The following PMP22 variants were observed in gnomAD, a reference collection of about 807,000 sequenced individuals.
The protein encoded by PMP22 is peripheral myelin protein 22, also known as Charcot-Marie-Tooth neuropathy 1A (greatly reduced nerve conduction velocity, hereditary motor sensory neuropathy Ia).
PMP22 carries 2 observed loss-of-function variants against 18.9 expected under a neutral mutation model. That is an observed-to-expected ratio of 0.11 (90% CI 0.04 to 0.33). PMP22 has a LOEUF of 0.33. Among genes scored for constraint, PMP22 ranks in the 10% least tolerant of loss-of-function variants. The pLI, the probability that PMP22 is intolerant of heterozygous loss-of-function variation, is 1.00. For synonymous variants in PMP22, 95 were observed against 89.2 expected (o/e 1.07, Z -0.37); for missense variants, 169 against 202.2 (o/e 0.84, Z 1.00).
intron 1 of PMP22, 28 bp downstream of exon 1, chr17:15,265,126 A>G (rs1567722587): frequency 6.6e-6 from 1 of 152,158 alleles, no homozygotes. Flanking sequence ...CACATCACCC[A>G]GAGGCACAGT....
intron 3 of PMP22, among the ~76,000 whole-genome samples, chr17:15,252,396 TTGCTGCTGCTGCTGCTGCTGC>T (rs111928632): frequency 2.0e-5 from 3 of 150,980 alleles, no homozygotes; most frequent in Admixed American, 6.6e-5. Context: ...GAGTTTGCTG[TTGCTGCTGCTGCTGCTGCTGC>T]TGCTGCTGCT....
chr17:15,230,904 C>T lies in PMP22; in HGVS notation c.*13G>A. ...ATGTACGCTCAGAGCCTCAGACAGA[C>T]CGTCTGGGCGCCTCATTCGCGTTTC... On this transcript the variant is annotated 3_prime_UTR_variant, in exon 5 of 5. Coordinates refer to ENST00000312280, the MANE Select transcript of PMP22 (RefSeq NM_000304.4). 1 of 1,613,598 alleles carries T rather than the reference C, an allele frequency of 6.2e-7. No individual in the cohort carries two copies. Among genetic ancestry groups the T allele is most frequent in the Non-Finnish European group, 8.5e-7 (1 of 1,179,912 alleles).
intron 4 of PMP22, among the ~76,000 whole-genome samples, chr17:15,236,131 T>C (rs1906789994): frequency 6.6e-6 from 1 of 151,330 alleles, no homozygotes; most frequent in South Asian, 2.1e-4. Flanking sequence ...AGCACTGAAC[T>C]AAAGGAAGGA....
rs1909307122 is a variant in PMP22 at position 15,261,157 on chromosome 17, G to A, written c.-34-396C>T. ...GAAGGTGAGAGGTCACGTTCTCCGA[G>A]ACCCCGGTTCAGATGGTGAATTCCC... On this transcript the variant is annotated intron_variant, in intron 1 of 4. Transcript: ENST00000312280. This position sits in a 1 kb window ranked among gnomAD's most constrained non-coding sequence, Gnocchi z 5.2. 1 of 158,176 alleles carries A rather than the reference G, an allele frequency of 6.3e-6. No individual in the cohort carries two copies. The highest frequency in any genetic ancestry group is 1.4e-5 in the Non-Finnish European group (1 of 72,988). 9.8% of individuals were successfully genotyped at this position (158,176 alleles called of 1,614,324 possible). A position where few individuals can be genotyped will look rare whatever the true frequency, so the allele number is the denominator to read the frequency against.
At chr17:15,239,672 G>C (rs1387125627) in intron 3 of PMP22, 61 bp from the exon 4 acceptor site, 1 of 1,572,230 alleles carries the variant, frequency 6.4e-7, no homozygotes, top group South Asian at 1.1e-5. Flanking sequence ...GCTCTGCCTC[G>C]AGGTGCAGGG....
rs1378361736 is a variant in PMP22 at position 15,230,723 on chromosome 17, T to C, written c.*194A>G. On this transcript the variant is annotated 3_prime_UTR_variant, in exon 5 of 5. Coordinates refer to ENST00000312280, the MANE Select transcript of PMP22 (RefSeq NM_000304.4). Reference sequence around the variant, plus strand: ...CTATGTACATATATGTAAAAAGTGTTATAAATAGGTTTTATAAACCGGAGA... The same window carrying C: ...CTATGTACATATATGTAAAAAGTGTCATAAATAGGTTTTATAAACCGGAGA... 3.3e-6 allele frequency: 2 copies of C among 611,530 alleles called. No individual in the cohort carries two copies. The highest frequency in any genetic ancestry group is 3.7e-5 in the African/African-American group (2 of 54,084). 37.9% of individuals were successfully genotyped at this position (611,530 alleles called of 1,614,324 possible).
intron 3 of PMP22, 41 bp downstream of exon 3, chr17:15,259,053 G>T (rs1909070862): frequency 1.4e-6 from 2 of 1,381,036 alleles, no homozygotes; most frequent in Non-Finnish European, 2.1e-6. Flanking sequence ...CGTGTTACAG[G>T]CGTCTGAGGA....
chr17:15,260,766 G>T lies in PMP22; in HGVS notation c.-34-5C>A. ...TCTGCTCAGCGGAGTTTCTGCCTGC[G>T]AGGAGAGCGCTGGGCGTGAGGCCGA... On this transcript the variant is annotated splice_region_variant and splice_polypyrimidine_tract_variant and intron_variant, in intron 1 of 4. Transcript: ENST00000312280. 1.3e-6 allele frequency: 2 copies of T among 1,521,332 alleles called. No individual in the cohort carries two copies. Among genetic ancestry groups the T allele is most frequent in the Non-Finnish European group, 1.8e-6 (2 of 1,119,688 alleles). 94.2% of individuals were successfully genotyped at this position (1,521,332 alleles called of 1,614,324 possible).
chr17:15,255,687 T>A (rs1908759402), intron 3 of PMP22, among the ~76,000 whole-genome samples: 1 of 152,134 alleles, frequency 6.6e-6, no homozygotes, highest in Admixed American at 6.6e-5. Flanking sequence ...GTCTACCCCA[T>A]CCCCTGCCTT....
rs991067268 is a variant in PMP22 at position 15,261,870 on chromosome 17, C to T, written c.-34-1109G>A. The T allele has an allele frequency of 1.3e-5, 2 of 152,198 alleles. No homozygotes were observed. The highest frequency in any genetic ancestry group is 2.4e-5 in the African/African-American group (1 of 41,446). The allele number at this position is 152,198 out of a possible 1,614,324, so 9.4% of individuals were successfully genotyped here. A position where few individuals can be genotyped will look rare whatever the true frequency, so the allele number is the denominator to read the frequency against. On this transcript the variant is annotated intron_variant, in intron 1 of 4. Transcript: ENST00000312280. The surrounding 1 kb of genome is among the most constrained non-coding windows in gnomAD (Gnocchi z 5.2). ...AAAGATCTGGCTGAGACTCTGGGGACCATTTTAGGCAGAGTCTTGGGCCAG... is the reference window on the plus strand; with the variant it reads ...AAAGATCTGGCTGAGACTCTGGGGATCATTTTAGGCAGAGTCTTGGGCCAG...
intron 3 of PMP22, among the ~76,000 whole-genome samples, chr17:15,251,034 T>C (rs532913694): frequency 6.6e-6 from 1 of 152,294 alleles, no homozygotes; most frequent in South Asian, 2.1e-4. Context: ...ACTGTCCTTC[T>C]CAGTACCACA....
At chr17:15,233,502 A>G (rs72812936) in intron 4 of PMP22, among the ~76,000 whole-genome samples, 9,899 of 152,086 alleles carry the variant, frequency 0.065, 483 homozygotes, top group East Asian at 0.17. Flanking sequence ...CAGTGACTGC[A>G]ACCCCATGAG....
rs904707191 is a variant in PMP22 at position 15,250,156 on chromosome 17, A to G, written c.178+8938T>C. ...GATGGTCTCAATCTCCTGACCTTGT[A>G]ATCCGCCCGCCTCAGCCTCCCAAAG... On this transcript the variant is annotated intron_variant, in intron 3 of 4. Transcript: ENST00000312280. Among the ~76,000 whole-genome samples, 91 of 152,150 alleles carry G rather than the reference A, an allele frequency of 6.0e-4. No individual in the cohort carries two copies. The Middle Eastern group carries it at 0.024, about 40-fold the overall frequency.
At chr17:15,249,940 G>A (rs1908177117) in intron 3 of PMP22, among the ~76,000 whole-genome samples, 1 of 152,172 alleles carries the variant, frequency 6.6e-6, no homozygotes, top group Non-Finnish European at 1.5e-5. Flanking sequence ...TTTTGAGACG[G>A]AGTCTCACTC....
At chr17:15,235,192 CA>C (rs1344034716) in intron 4 of PMP22, 4 of 717,088 alleles carry the variant, frequency 5.6e-6, no homozygotes, top group Non-Finnish European at 1.0e-5. Flanking sequence ...ACAACAATAA[CA>C]AAAAGAGAGA....
chr17:15,260,522 C>A, intron 2 of PMP22, 128 bp downstream of exon 2: 1 of 827,462 alleles, frequency 1.2e-6, no homozygotes, highest in Non-Finnish European at 2.0e-6. Context: ...TTGCCAGAAA[C>A]TTCCCTGGGA....
chr17:15,264,601 T>C (rs1909588922), intron 1 of PMP22, among the ~76,000 whole-genome samples: 1 of 152,222 alleles, frequency 6.6e-6, no homozygotes, highest in Non-Finnish European at 1.5e-5. Flanking sequence ...CGCTTCTTCC[T>C]TTCTTTTGAA....
rs1413753507 is a variant in PMP22, at chr17:15,231,043, C to A, written c.357G>T (p.Val119=). The A allele has an allele frequency of 1.2e-6, 2 of 1,613,980 alleles. No individual in the cohort carries two copies. Among genetic ancestry groups the A allele is most frequent in the Non-Finnish European group, 1.7e-6 (2 of 1,180,036 alleles). Residue 119 remains valine, a synonymous_variant, in exon 5 of 5, where the codon GTG becomes GTT. Coordinates refer to ENST00000312280, the MANE Select transcript of PMP22 (RefSeq NM_000304.4). ...CVMSAAAIYT[V]RHPEWHLNSD... is the part of the protein sequence containing the mutation. The stretch of plus-strand genomic sequence containing the variant: ...AGTTGAGATGCCACTCCGGGTGCCT[C>A]ACCGTGTAGATGGCCGCAGCACTCA...
At chr17:15,256,123 G>C (rs231021) in intron 3 of PMP22, among the ~76,000 whole-genome samples, 58,781 of 152,130 alleles carry the variant, frequency 0.39, 12,013 homozygotes, top group Non-Finnish European at 0.45. Context: ...AAGGCAGGCG[G>C]AGTCAAAGTC....
Sources: gnomAD v4.1 joint callset for allele counts (sites outside exome capture counted in the v4.1 genomes callset) on GRCh38, gnomAD v4.1.1 for gene constraint, Gnocchi (gnomAD v3.1) non-coding constraint, MANE v1.5 for transcripts, NCBI Gene and HGNC (gene_info 2026-07-23, HGNC 2026-07-21) for gene names.